The following SUCLG2 variants were observed in gnomAD, a reference collection of about 807,000 sequenced individuals.
The protein encoded by SUCLG2 is succinate-CoA ligase GDP-forming subunit beta, also known as succinate--CoA ligase [GDP-forming] subunit beta, mitochondrial.
SUCLG2 carries 42 observed loss-of-function variants against 47.9 expected under a neutral mutation model. The ratio of observed to expected loss-of-function variants is 0.88; its 90% CI spans 0.69 to 1.14. SUCLG2 has a LOEUF of 1.14. Ranked by LOEUF, SUCLG2 falls within the 50% of genes most tolerant of loss-of-function variation. The probability of loss-of-function intolerance (pLI) is 0.00; values close to 1 mark genes in which losing one functional copy is unlikely to be tolerated. For synonymous variants in SUCLG2, 195 were observed against 197.3 expected, an observed-to-expected ratio of 0.99 and a Z score of 0.10; for missense variants, 571 against 525.9, an observed-to-expected ratio of 1.09 and a Z score of -0.84.
intron 9 of SUCLG2, among the ~76,000 whole-genome samples, chr3:67,420,916 C>G (rs1269557297): frequency 1.3e-5 from 2 of 152,156 alleles, no homozygotes; most frequent in Non-Finnish European, 2.9e-5. Flanking sequence ...GTTTTACTGT[C>G]AGGCACATAT....
intron 2 of SUCLG2, among the ~76,000 whole-genome samples, chr3:67,590,639 C>G (rs1026643949): frequency 7.2e-5 from 11 of 152,184 alleles, no homozygotes; most frequent in African/African-American, 2.7e-4. Context: ...TTCCTCGAGG[C>G]CTTCCCAGAA....
intron 1 of SUCLG2, among the ~76,000 whole-genome samples, chr3:67,611,280 T>C (rs948146794): frequency 4.6e-5 from 7 of 152,358 alleles, no homozygotes; most frequent in Non-Finnish European, 1.0e-4. Context: ...CTATACTTCT[T>C]CTTTAGAAAT....
intron 9 of SUCLG2, among the ~76,000 whole-genome samples, chr3:67,416,092 T>G (rs1412771830): frequency 6.6e-6 from 1 of 152,164 alleles, no homozygotes; most frequent in Non-Finnish European, 1.5e-5. Flanking sequence ...GTCAATCAAG[T>G]CTTGAGATGA....
intron 9 of SUCLG2, among the ~76,000 whole-genome samples, chr3:67,457,953 G>T (rs186076699): frequency 2.2e-4 from 33 of 152,268 alleles, no homozygotes; most frequent in African/African-American, 6.7e-4. Flanking sequence ...CAGCAGAGAT[G>T]CTGAACCAGT....
rs143717496 is a variant in SUCLG2 at position 67,563,492 on chromosome 3, A to G, written c.227-34306T>C. 6.9e-3 allele frequency among the ~76,000 whole-genome samples: 1,057 copies of G among 152,304 alleles called. 10 individuals carry two copies. Among genetic ancestry groups the G allele is most frequent in the African/African-American group, 0.024 (1,010 of 41,546 alleles). ...ACGTCCATAAACTAGAACACCATGA[A>G]GCGTTTGAAAAGAATGAAGCTGTTC... On this transcript the variant is annotated intron_variant, in intron 2 of 10. Transcript: ENST00000307227.
At chr3:67,402,564 G>C (rs985981864) in intron 9 of SUCLG2, among the ~76,000 whole-genome samples, 1 of 152,210 alleles carries the variant, frequency 6.6e-6, no homozygotes, top group African/African-American at 2.4e-5. Context: ...ATTGAGGCTT[G>C]GTACAGCAGT....
intron 9 of SUCLG2, among the ~76,000 whole-genome samples, chr3:67,466,069 T>C (rs1014170989): frequency 6.6e-5 from 10 of 152,128 alleles, no homozygotes; most frequent in African/African-American, 2.4e-4. Flanking sequence ...CTTTAAAAAA[T>C]TGGCCAGGCA....
chr3:67,608,573 G>A (rs1417221789), intron 2 of SUCLG2, among the ~76,000 whole-genome samples: 1 of 152,006 alleles, frequency 6.6e-6, no homozygotes, highest in Non-Finnish European at 1.5e-5. Flanking sequence ...ATTTCAAAAA[G>A]AGCTGGGATG....
At chr3:67,402,957 G>C (rs918007558) in intron 9 of SUCLG2, among the ~76,000 whole-genome samples, 13 of 152,072 alleles carry the variant, frequency 8.5e-5, no homozygotes, top group African/African-American at 2.2e-4. Context: ...AGGAGAGAAG[G>C]GGCTTGAGAC....
intron 9 of SUCLG2, among the ~76,000 whole-genome samples, chr3:67,428,797 G>A (rs904976876): frequency 6.6e-6 from 1 of 152,166 alleles, no homozygotes; most frequent in African/African-American, 2.4e-5. Flanking sequence ...AGAACTACAT[G>A]ATGCATGCAC....
At chr3:67,366,603 G>A (rs765061257) in intron 10 of SUCLG2, among the ~76,000 whole-genome samples, 2 of 152,144 alleles carry the variant, frequency 1.3e-5, no homozygotes, top group Non-Finnish European at 1.5e-5. Flanking sequence ...TGTATTCTGC[G>A]ACAGTGGTCC....
chr3:67,602,026 C>T (rs1463426086), intron 2 of SUCLG2, among the ~76,000 whole-genome samples: 1 of 146,332 alleles, frequency 6.8e-6, no homozygotes, highest in Non-Finnish European at 1.5e-5. Flanking sequence ...CAAGATAATA[C>T]ATAACTGCAT....
chr3:67,427,387 A>G (rs1365684035), intron 9 of SUCLG2, among the ~76,000 whole-genome samples: 1 of 152,230 alleles, frequency 6.6e-6, no homozygotes, highest in African/African-American at 2.4e-5. Context: ...ATGCCTTAAT[A>G]TCAAGGAAGC....
At position 67,394,914 on chromosome 3, in the gene SUCLG2, C is replaced by G. The variant is rs1186761240; in HGVS notation, c.1183+5817G>C. Reference sequence around the variant, plus strand: ...TTTTCAACCCAGAATTTCATATCCACCCAAACTAAACTGCATAAGTGAAGG... The same window carrying G: ...TTTTCAACCCAGAATTTCATATCCAGCCAAACTAAACTGCATAAGTGAAGG... On this transcript the variant is annotated intron_variant, in intron 10 of 10. Transcript: ENST00000307227. Among the ~76,000 whole-genome samples the G allele has an allele frequency of 4.6e-5, 7 of 152,092 alleles. No homozygotes were observed. The East Asian group carries it at 1.4e-3, about 29-fold the overall frequency.
chr3:67,640,203 G>A (rs900670849), intron 1 of SUCLG2, among the ~76,000 whole-genome samples: 5 of 152,168 alleles, frequency 3.3e-5, no homozygotes, highest in African/African-American at 9.7e-5. Flanking sequence ...ATTGGATGCT[G>A]CATCCCTGCG....
Position 67,520,285 on chromosome 3 carries a change from A to G in SUCLG2, c.570+197T>C, listed in dbSNP as rs79233889. 1.4e-3 allele frequency among the ~76,000 whole-genome samples: 213 copies of G among 152,314 alleles called. 1 individual carries two copies. Among genetic ancestry groups the G allele is most frequent in the African/African-American group, 4.8e-3 (200 of 41,562 alleles). On this transcript the variant is annotated intron_variant, in intron 5 of 10. Transcript: ENST00000307227. ...GGAAGGGTGGGAAAAGCAAAGATAA[A>G]AAGTCCTTGAACACTGAATACCTTG...
chr3:67,615,387 T>G (rs1381989828), intron 1 of SUCLG2, among the ~76,000 whole-genome samples: 1 of 149,118 alleles, frequency 6.7e-6, no homozygotes, highest in Non-Finnish European at 1.5e-5. Context: ...GAAATGTCCC[T>G]GAGCTCGACA....
intron 8 of SUCLG2, among the ~76,000 whole-genome samples, chr3:67,496,979 G>C (rs1705360427): frequency 6.6e-6 from 1 of 152,138 alleles, no homozygotes; most frequent in South Asian, 2.1e-4. Flanking sequence ...TAGATTTTGA[G>C]GCTGCTATGT....
chr3:67,618,884 T>A lies in SUCLG2; in HGVS notation c.85-9288A>T, dbSNP rs143912716. On this transcript the variant is annotated intron_variant, in intron 1 of 10. Transcript: ENST00000307227. ...AGAAAAGTACTTTAAAGTTCCCGCA[T>A]CAAGAGAAACAACACTTGAGTTATT... 7.5e-3 allele frequency among the ~76,000 whole-genome samples: 1,149 copies of A among 152,288 alleles called. 12 individuals carry two copies. Among genetic ancestry groups the A allele is most frequent in the African/African-American group, 0.026 (1,063 of 41,554 alleles).
Sources: allele counts gnomAD v4.1 joint callset (sites outside exome capture counted in the v4.1 genomes callset), GRCh38; gene constraint gnomAD v4.1.1; transcripts MANE v1.5; gene names NCBI Gene and HGNC (gene_info 2026-07-23, HGNC 2026-07-21).